Variants in AOAH observed in about 807,000 individuals in gnomAD.
AOAH encodes acyloxyacyl hydrolase (neutrophil).
In AOAH, 64 loss-of-function variants were observed where a neutral mutation model predicts 92.2. The ratio of observed to expected loss-of-function variants is 0.69; its 90% CI spans 0.57 to 0.86. The LOEUF (loss-of-function observed/expected upper bound fraction) is 0.86, where lower values mean the gene tolerates loss of function less well. Ranked by LOEUF, AOAH falls within the 40% of genes least tolerant of loss-of-function variation. The pLI is 0.00. For missense variants in AOAH, 656 were observed against 694.6 expected, an observed-to-expected ratio of 0.94 and a Z score of 0.62; for synonymous variants, 263 against 254.5, an observed-to-expected ratio of 1.03 and a Z score of -0.32.
At chr7:36,687,976 G>A (rs1797142216) in intron 1 of AOAH, among the ~76,000 whole-genome samples, 1 of 152,150 alleles carries the variant, frequency 6.6e-6, no homozygotes, top group Non-Finnish European at 1.5e-5. Context: ...ATGGTGTTTT[G>A]GCCTCGATGT....
At chr7:36,645,866 A>G (rs1179306973) in intron 4 of AOAH, among the ~76,000 whole-genome samples, 1 of 151,728 alleles carries the variant, frequency 6.6e-6, no homozygotes, top group Non-Finnish European at 1.5e-5. Context: ...CCTCTTCTTC[A>G]TACATATTTT....
intron 4 of AOAH, among the ~76,000 whole-genome samples, chr7:36,644,060 ATAG>A (rs550929391): frequency 8.5e-4 from 129 of 152,368 alleles, no homozygotes; most frequent in African/African-American, 3.0e-3. Flanking sequence ...TGCTGGGGAA[ATAG>A]TAGGGAATGA....
At chr7:36,710,604 T>C (rs1032266054) in intron 1 of AOAH, among the ~76,000 whole-genome samples, 8 of 152,192 alleles carry the variant, frequency 5.3e-5, no homozygotes, top group Non-Finnish European at 8.8e-5. Context: ...AGGTAATAAA[T>C]TTGTGTTGAT....
intron 13 of AOAH, among the ~76,000 whole-genome samples, chr7:36,569,464 T>TA (rs1163142908): frequency 7.3e-6 from 1 of 137,134 alleles, no homozygotes; most frequent in Non-Finnish European, 1.6e-5. Context: ...TTTATTTACT[T>TA]AAAAAAATCT....
intron 4 of AOAH, among the ~76,000 whole-genome samples, chr7:36,651,188 T>C (rs1225965712): frequency 6.6e-6 from 1 of 152,236 alleles, no homozygotes. Flanking sequence ...CCTCACTGTT[T>C]GTCTATAGCC....
At chr7:36,693,802 A>C (rs1339833221) in intron 1 of AOAH, among the ~76,000 whole-genome samples, 1 of 152,192 alleles carries the variant, frequency 6.6e-6, no homozygotes, top group Non-Finnish European at 1.5e-5. Flanking sequence ...CTGTTGAGAA[A>C]TACCACTTAT....
intron 12 of AOAH, among the ~76,000 whole-genome samples, chr7:36,581,818 A>C (rs576509041): frequency 6.6e-6 from 1 of 152,324 alleles, no homozygotes; most frequent in East Asian, 1.9e-4. Context: ...AGCATCTAGA[A>C]TTTTGGGATG....
intron 12 of AOAH, among the ~76,000 whole-genome samples, chr7:36,584,606 G>T (rs1789174761): frequency 6.6e-6 from 1 of 152,118 alleles, no homozygotes; most frequent in Non-Finnish European, 1.5e-5. Context: ...ATATTTTAAT[G>T]TTAATTGTGT....
intron 1 of AOAH, among the ~76,000 whole-genome samples, chr7:36,695,980 C>CTCCCTCA (rs1797684062): frequency 6.6e-6 from 1 of 152,226 alleles, no homozygotes; most frequent in Admixed American, 6.5e-5. Flanking sequence ...TATCTAAGTT[C>CTCCCTCA]TCCCTCATCC....
Position 36,614,369 on chromosome 7 carries a change from C to G in AOAH, c.846+2011G>C, listed in dbSNP as rs756266663. On this transcript the variant is annotated intron_variant, in intron 11 of 20. Coordinates refer to ENST00000617537, the MANE Select transcript of AOAH (RefSeq NM_001637.4). The surrounding 1 kb of genome is among the most constrained non-coding windows in gnomAD (Gnocchi z 4.2). ...AACCAGTGGGTCCCATGAGGTCCTT[C>G]GCTTAGAAAGGGCCCTGCACTGGGT... Among the ~76,000 whole-genome samples the G allele has an allele frequency of 6.6e-6, 1 of 152,212 alleles. No individual in the cohort carries two copies. Among genetic ancestry groups the G allele is most frequent in the Non-Finnish European group, 1.5e-5 (1 of 68,042 alleles).
At chr7:36,671,051 G>C (rs1795892845) in intron 3 of AOAH, among the ~76,000 whole-genome samples, 3 of 152,128 alleles carry the variant, frequency 2.0e-5, no homozygotes, top group Non-Finnish European at 4.4e-5. Flanking sequence ...CCCCCTTTGA[G>C]TTCTGGGACT....
At chr7:36,520,960 G>A (rs1012951007) in intron 20 of AOAH, among the ~76,000 whole-genome samples, 2 of 152,116 alleles carry the variant, frequency 1.3e-5, no homozygotes, top group African/African-American at 4.8e-5. Flanking sequence ...AGCATTTGTG[G>A]GACGCCACTT....
intron 1 of AOAH, among the ~76,000 whole-genome samples, chr7:36,706,030 C>CCTAAAA (rs1219711092): frequency 6.6e-6 from 1 of 151,964 alleles, no homozygotes; most frequent in Non-Finnish European, 1.5e-5. Context: ...AAACATAAGA[C>CCTAAAA]CTAAAACCAT....
intron 16 of AOAH, among the ~76,000 whole-genome samples, chr7:36,535,054 C>G (rs111819490): frequency 5.5e-4 from 78 of 143,016 alleles, no homozygotes; most frequent in South Asian, 1.6e-3. Flanking sequence ...GTGTATGTGT[C>G]TGTGTGTGTG....
Position 36,566,065 on chromosome 7 carries a change from A to G in AOAH, c.1021+10509T>C, listed in dbSNP as rs75599538. Among the ~76,000 whole-genome samples, 217 of 146,520 alleles carry G rather than the reference A, an allele frequency of 1.5e-3. 1 individual carries two copies. The highest frequency in any genetic ancestry group is 5.2e-3 in the African/African-American group (209 of 39,912). On this transcript the variant is annotated intron_variant, in intron 13 of 20. Transcript: ENST00000617537. The stretch of plus-strand genomic sequence containing the variant: ...ATTGCTTAGTCTTTCTTTGTCTTTC[A>G]TGACCTTGACGCTTTTAAGTAATAC...
At chr7:36,593,994 A>G (rs1490931011) in intron 12 of AOAH, among the ~76,000 whole-genome samples, 1 of 152,248 alleles carries the variant, frequency 6.6e-6, no homozygotes, top group Non-Finnish European at 1.5e-5. Context: ...AGAAGTGCCA[A>G]TCAGCTTTGG....
At chr7:36,678,583 G>GTT (rs1375425664) in intron 2 of AOAH, among the ~76,000 whole-genome samples, 6,087 of 133,690 alleles carry the variant, frequency 0.046, 414 homozygotes, top group African/African-American at 0.16. Context: ...GTGTGTGTGT[G>GTT]TGTGTGTGTG....
intron 19 of AOAH, among the ~76,000 whole-genome samples, chr7:36,526,539 T>C (rs1187945165): frequency 2.6e-5 from 4 of 152,244 alleles, no homozygotes; most frequent in Admixed American, 6.5e-5. Flanking sequence ...AAAGATAACA[T>C]GGTAAGTTGG....
At chr7:36,600,045 A>G (rs1790435768) in intron 11 of AOAH, 1 of 149,740 alleles carries the variant, frequency 6.7e-6, no homozygotes, top group Admixed American at 6.6e-5. Flanking sequence ...ATAAATGTCT[A>G]ACCTACTCAT....
Sources: gnomAD v4.1 joint callset for allele counts (sites outside exome capture counted in the v4.1 genomes callset) on GRCh38, gnomAD v4.1.1 for gene constraint, Gnocchi (gnomAD v3.1) non-coding constraint, MANE v1.5 for transcripts, NCBI Gene and HGNC (gene_info 2026-07-23, HGNC 2026-07-21) for gene names.